Variants in NLGN1 observed in about 807,000 individuals in gnomAD.
The protein encoded by NLGN1 is neuroligin 1.
Under a neutral mutation model 65.5 loss-of-function variants are expected in NLGN1, and 12 were observed. The ratio of observed to expected loss-of-function variants is 0.18; its 90% confidence interval spans 0.12 to 0.30. The LOEUF (loss-of-function observed/expected upper bound fraction) is 0.30, where lower values mean the gene tolerates loss of function less well. Among genes scored for constraint, NLGN1 ranks in the 10% least tolerant of loss-of-function variants. NLGN1 has a pLI of 1.00. For missense variants in NLGN1, 750 were observed against 1,007.1 expected (o/e 0.74, Z 3.46); for synonymous variants, 350 against 359.5 (o/e 0.97, Z 0.30).
At chr3:173,978,197 C>A (rs1717942302) in intron 4 of NLGN1, among the ~76,000 whole-genome samples, 1 of 152,104 alleles carries the variant, frequency 6.6e-6, no homozygotes, top group Non-Finnish European at 1.5e-5. Context: ...AAGCCTTCAT[C>A]ATCAGACAGT....
chr3:173,770,765 A>G (rs997773060), intron 3 of NLGN1, among the ~76,000 whole-genome samples: 3 of 152,114 alleles, frequency 2.0e-5, no homozygotes, highest in Admixed American at 6.6e-5. Context: ...TGTGCATCCC[A>G]AAAAAGGCTT....
intron 3 of NLGN1, among the ~76,000 whole-genome samples, chr3:173,765,429 A>T (rs1778632914): frequency 1.3e-5 from 2 of 152,170 alleles, no homozygotes; most frequent in African/African-American, 4.8e-5. Context: ...TATGCAAAAT[A>T]AAAAACCAAG....
intron 4 of NLGN1, among the ~76,000 whole-genome samples, chr3:173,954,523 A>G (rs1711524016): frequency 6.6e-6 from 1 of 152,158 alleles, no homozygotes; most frequent in African/African-American, 2.4e-5. Flanking sequence ...GTTGAAGTGG[A>G]ATCAGCATTT....
At chr3:174,268,914 C>A (rs910425385) in intron 4 of NLGN1, among the ~76,000 whole-genome samples, 4 of 151,100 alleles carry the variant, frequency 2.6e-5, no homozygotes, top group African/African-American at 9.7e-5. Context: ...TTTGGAAATA[C>A]CATCAAGTTG....
At chr3:173,963,745 C>A (rs1218867698) in intron 4 of NLGN1, among the ~76,000 whole-genome samples, 1 of 152,136 alleles carries the variant, frequency 6.6e-6, no homozygotes, top group Non-Finnish European at 1.5e-5. Context: ...ATTATGTTGT[C>A]AAGCAATACA....
chr3:173,489,340 G>T (rs184096533), intron 2 of NLGN1, among the ~76,000 whole-genome samples: 1,645 of 151,894 alleles, frequency 0.011, 28 homozygotes, highest in African/African-American at 0.038. Flanking sequence ...TGGTGTTTGG[G>T]TTTTTGTCCT....
chr3:173,989,985 G>T (rs1391569151), intron 4 of NLGN1, among the ~76,000 whole-genome samples: 1 of 152,130 alleles, frequency 6.6e-6, no homozygotes. Context: ...AGAAGAATAA[G>T]GTTGGCATAT....
At chr3:173,477,832 T>C (rs1726512973) in intron 2 of NLGN1, among the ~76,000 whole-genome samples, 1 of 152,164 alleles carries the variant, frequency 6.6e-6, no homozygotes, top group South Asian at 2.1e-4. Flanking sequence ...TGTTTTTTTC[T>C]TGTAAATTTG....
intron 5 of NLGN1, 23 bp from the exon 6 acceptor site, chr3:174,278,838 A>ATTCT: frequency 6.8e-7 from 1 of 1,469,146 alleles, no homozygotes; most frequent in East Asian, 2.4e-5. Context: ...ATCATCTAAA[A>ATTCT]TTCTTTGTTG....
intron 3 of NLGN1, among the ~76,000 whole-genome samples, chr3:173,718,485 G>A (rs1416171479): frequency 6.6e-6 from 1 of 152,068 alleles, no homozygotes; most frequent in African/African-American, 2.4e-5. Flanking sequence ...TCACAAATTA[G>A]TAAATCGATT....
At chr3:173,827,413 C>T (rs548823970) in intron 4 of NLGN1, among the ~76,000 whole-genome samples, 1 of 151,882 alleles carries the variant, frequency 6.6e-6, no homozygotes, top group East Asian at 1.9e-4. Context: ...AGAGAGGATG[C>T]CTGAGCTGGA....
chr3:173,962,306 G>A (rs1713788240), intron 4 of NLGN1, among the ~76,000 whole-genome samples: 1 of 152,044 alleles, frequency 6.6e-6, no homozygotes, highest in African/African-American at 2.4e-5. Context: ...TTAGGAAGAG[G>A]TTAAATAGGA....
intron 3 of NLGN1, among the ~76,000 whole-genome samples, chr3:173,667,392 T>C (rs1761859654): frequency 6.6e-6 from 1 of 152,026 alleles, no homozygotes; most frequent in African/African-American, 2.4e-5. Flanking sequence ...ATTTTGGACT[T>C]GAAGAAAAAT....
At chr3:174,030,062 A>G (rs973624554) in intron 4 of NLGN1, among the ~76,000 whole-genome samples, 5 of 150,876 alleles carry the variant, frequency 3.3e-5, no homozygotes, top group African/African-American at 1.2e-4. Flanking sequence ...ATACAATTTT[A>G]TGGCACTGGA....
intron 2 of NLGN1, among the ~76,000 whole-genome samples, chr3:173,544,645 A>G (rs1006524417): frequency 6.6e-6 from 1 of 152,192 alleles, no homozygotes; most frequent in Non-Finnish European, 1.5e-5. Flanking sequence ...AAATGAAAAG[A>G]AAGACCATTA....
At chr3:173,793,555 T>G (rs1713279057) in intron 3 of NLGN1, among the ~76,000 whole-genome samples, 1 of 152,162 alleles carries the variant, frequency 6.6e-6, no homozygotes, top group South Asian at 2.1e-4. Flanking sequence ...TTAAAATATG[T>G]TAATTCTCAG....
chr3:173,615,780 A>G (rs1410884900), intron 3 of NLGN1, among the ~76,000 whole-genome samples: 1 of 147,564 alleles, frequency 6.8e-6, no homozygotes, highest in East Asian at 2.0e-4. Flanking sequence ...AAGTGTACCT[A>G]TACAAATCTC....
chr3:173,642,013 GCTCTCTCT>G lies in NLGN1; in HGVS notation c.493+36941_493+36948del, dbSNP rs138192749. ...TTTATATAGATGCTTTCAGTGGACT[GCTCTCTCT>G]CTCTCTCTCTCTCTCTCTTTCTCCA... On this transcript the variant is annotated intron_variant, in intron 3 of 6. Coordinates refer to ENST00000457714, the Ensembl canonical transcript of NLGN1. Among the ~76,000 whole-genome samples, 29 of 146,322 alleles carry G rather than the reference GCTCTCTCT, an allele frequency of 2.0e-4. No individual in the cohort carries two copies. In the South Asian group the frequency reaches 2.2e-3, roughly 11 times the overall value.
chr3:173,532,963 G>T (rs1736839067), intron 2 of NLGN1, among the ~76,000 whole-genome samples: 1 of 152,136 alleles, frequency 6.6e-6, no homozygotes. Flanking sequence ...TAGGGATCTT[G>T]CATTAAAAAT....
Sources: allele counts gnomAD v4.1 joint callset (sites outside exome capture counted in the v4.1 genomes callset), GRCh38; gene constraint gnomAD v4.1.1; transcripts MANE v1.5; gene names NCBI Gene and HGNC (gene_info 2026-07-23, HGNC 2026-07-21).